Variants in TENM4 observed in about 807,000 individuals in gnomAD.
The protein encoded by TENM4 is teneurin transmembrane protein 4.
A neutral mutation model predicts 243.3 loss-of-function variants in TENM4; 82 were observed. The ratio of observed to expected loss-of-function variants is 0.34; its 90% CI spans 0.28 to 0.40. TENM4 has a LOEUF of 0.40. TENM4 is among the 10% of genes least tolerant of loss of function. TENM4 has a pLI of 1.00. For missense variants in TENM4, 3,138 were observed against 3,673.3 expected (o/e 0.85, Z 3.77); for synonymous variants, 1,412 against 1,456.3 (o/e 0.97, Z 0.69).
In TENM4 at chr11:79,137,391, G is replaced by A. The variant is rs190053093; in HGVS notation, c.-66+11319C>T. Among the ~76,000 whole-genome samples, 5 of 152,168 alleles carry A rather than the reference G, an allele frequency of 3.3e-5. No individual in the cohort carries two copies. In the East Asian group the frequency reaches 7.7e-4, roughly 24 times the overall value. On this transcript the variant is annotated intron_variant, in intron 4 of 33. Transcript: ENST00000278550. ...TTAGGGCATCTCTTAGTATTACTCT[G>A]CCCTGTGATTAAGGTCAATGGAAAA...
chr11:79,333,120 C>T (rs1857088226), intron 1 of TENM4, among the ~76,000 whole-genome samples: 1 of 152,120 alleles, frequency 6.6e-6, no homozygotes, highest in South Asian at 2.1e-4. Flanking sequence ...TTCCCTATCC[C>T]CATTTGCAAA....
At chr11:79,226,075 C>T (rs2135249620) in intron 2 of TENM4, among the ~76,000 whole-genome samples, 1 of 152,206 alleles carries the variant, frequency 6.6e-6, no homozygotes, top group Non-Finnish European at 1.5e-5. Context: ...TTTGATCCTC[C>T]TGGTGTTTTC....
intron 20 of TENM4, 149 bp downstream of exon 20, chr11:78,738,302 A>G (rs1212800315): frequency 2.8e-6 from 3 of 1,063,266 alleles, no homozygotes; most frequent in Middle Eastern, 3.1e-4. Flanking sequence ...AGGTCATACA[A>G]TTAGTAAGTT....
chr11:79,339,327 G>A (rs1254400167), intron 1 of TENM4, among the ~76,000 whole-genome samples: 2 of 152,230 alleles, frequency 1.3e-5, no homozygotes, highest in Admixed American at 6.5e-5. Context: ...CTCCATCAAA[G>A]TGTTGTCGTG....
intron 2 of TENM4, among the ~76,000 whole-genome samples, chr11:79,291,674 T>C (rs1225372123): frequency 1.3e-5 from 2 of 152,278 alleles, no homozygotes; most frequent in East Asian, 3.9e-4. Context: ...GTGCCTTCAG[T>C]GTCCAGCTTC....
chr11:79,241,174 G>A (rs894590385), intron 2 of TENM4, among the ~76,000 whole-genome samples: 2 of 151,966 alleles, frequency 1.3e-5, no homozygotes, highest in African/African-American at 4.8e-5. Context: ...GGATATGAAA[G>A]GGAAGGCCTC....
intron 12 of TENM4, among the ~76,000 whole-genome samples, chr11:78,851,960 C>A (rs957787283): frequency 6.6e-6 from 1 of 152,238 alleles, no homozygotes; most frequent in Non-Finnish European, 1.5e-5. Flanking sequence ...ATCCCTGCCA[C>A]AGTTCACAAG....
intron 6 of TENM4, among the ~76,000 whole-genome samples, chr11:79,018,793 T>A (rs113339938): frequency 5.2e-4 from 79 of 152,354 alleles, no homozygotes; most frequent in Middle Eastern, 6.8e-3. Flanking sequence ...TCACTGACAT[T>A]TTTTTAGCCA....
chr11:78,867,788 T>C (rs962902434), intron 9 of TENM4, among the ~76,000 whole-genome samples: 9 of 152,224 alleles, frequency 5.9e-5, no homozygotes, highest in Non-Finnish European at 1.2e-4. Flanking sequence ...TATATTCTGA[T>C]TTACTCAGAG....
chr11:78,923,545 T>C (rs1030353853), intron 6 of TENM4, among the ~76,000 whole-genome samples: 1 of 152,008 alleles, frequency 6.6e-6, no homozygotes, highest in African/African-American at 2.4e-5. Flanking sequence ...TTATTTTTAT[T>C]TTTATTTTTT....
At chr11:79,436,198 A>G (rs1018987493) in intron 1 of TENM4, among the ~76,000 whole-genome samples, 2 of 152,212 alleles carry the variant, frequency 1.3e-5, no homozygotes, top group Non-Finnish European at 2.9e-5. Flanking sequence ...AATAATATGA[A>G]AGATTTAAAA....
At chr11:79,249,930 A>G (rs1317998256) in intron 2 of TENM4, among the ~76,000 whole-genome samples, 2 of 152,194 alleles carry the variant, frequency 1.3e-5, no homozygotes, top group Admixed American at 1.3e-4. Context: ...TTTATTACGT[A>G]AACTTTTATT....
At chr11:79,209,270 C>A (rs984473542) in intron 3 of TENM4, among the ~76,000 whole-genome samples, 11 of 152,182 alleles carry the variant, frequency 7.2e-5, no homozygotes, top group African/African-American at 2.7e-4. Flanking sequence ...ACAGCAGTGG[C>A]TGAGTTCACT....
chr11:78,712,313 T>G (rs1411045875), intron 26 of TENM4, among the ~76,000 whole-genome samples, 169 bp downstream of exon 26: 3 of 152,188 alleles, frequency 2.0e-5, no homozygotes, highest in African/African-American at 7.2e-5. Flanking sequence ...AGACAGGAAA[T>G]GTTAACTGGG....
At chr11:79,156,361 C>T (rs940792288) in intron 3 of TENM4, among the ~76,000 whole-genome samples, 1 of 152,212 alleles carries the variant, frequency 6.6e-6, no homozygotes, top group African/African-American at 2.4e-5. Flanking sequence ...CTCTCTGGTC[C>T]CTGTTCACGT....
chr11:79,424,525 A>G (rs150626322), intron 1 of TENM4, among the ~76,000 whole-genome samples: 2 of 152,146 alleles, frequency 1.3e-5, no homozygotes, highest in East Asian at 3.9e-4. Context: ...GAGGTGGGAG[A>G]ATCATTTAAG....
In TENM4 at chr11:79,262,217, A is replaced by G. The variant is rs140287859; in HGVS notation, c.-265+35271T>C. 3.3e-3 allele frequency among the ~76,000 whole-genome samples: 496 copies of G among 152,258 alleles called. 6 individuals carry two copies. The highest frequency in any genetic ancestry group is 1.5e-3 in the East Asian group (8 of 5,176). ...TTTTCTCACCCACAAAATGGGGTCA[A>G]TAATGACGCCTGCCTCACTGGGCTG... is the stretch of plus-strand genomic sequence containing the variant. On this transcript the variant is annotated intron_variant, in intron 2 of 33. Coordinates refer to ENST00000278550, the MANE Select transcript of TENM4 (RefSeq NM_001098816.3).
chr11:79,395,853 T>G (rs1219858773), intron 1 of TENM4, among the ~76,000 whole-genome samples: 1 of 152,202 alleles, frequency 6.6e-6, no homozygotes, highest in South Asian at 2.1e-4. Context: ...AACTCTGTAC[T>G]CAGGATACAG....
chr11:78,676,028 T>C lies in TENM4; in HGVS notation c.5496+124A>G, dbSNP rs1048778687. The stretch of plus-strand genomic sequence containing the variant: ...TCTCTGATCACACATGGTTCCCTGA[T>C]TTAGTTCTCCCCTTTTGCAGATGAG... On this transcript the variant is annotated intron_variant, in intron 30 of 33. Coordinates refer to ENST00000278550, the MANE Select transcript of TENM4 (RefSeq NM_001098816.3). The C allele has an allele frequency of 1.7e-5, 16 of 950,706 alleles. No homozygotes were observed. The African/African-American group carries it at 2.6e-4, about 16-fold the overall frequency. The allele number at this position is 950,706 out of a possible 1,614,324, so 58.9% of individuals were successfully genotyped here.
Sources: allele counts gnomAD v4.1 joint callset (sites outside exome capture counted in the v4.1 genomes callset), GRCh38; gene constraint gnomAD v4.1.1; transcripts MANE v1.5; gene names NCBI Gene and HGNC (gene_info 2026-07-23, HGNC 2026-07-21).